SLC38A5: variants seen among roughly 807,000 people sequenced by gnomAD.
SLC38A5 encodes solute carrier family 38 member 5, also known as sodium-coupled neutral amino acid transporter 5.
SLC38A5 carries 9 observed loss-of-function variants against 34.6 expected under a neutral mutation model. The ratio of observed to expected loss-of-function variants is 0.26; its 90% CI spans 0.16 to 0.45. The LOEUF is 0.45. SLC38A5 is among the 20% of genes least tolerant of loss of function. The pLI is 1.00. For missense variants in SLC38A5, 253 were observed against 394.7 expected, an observed-to-expected ratio of 0.64 and a Z score of 3.04; for synonymous variants, 157 against 155.6, an observed-to-expected ratio of 1.01 and a Z score of -0.07.
At chrX:48,468,886 G>A (rs1262199326) in intron 2 of SLC38A5, 2 of 752,737 alleles carry the variant, frequency 2.7e-6, no homozygotes, top group Non-Finnish European at 1.6e-6. Context: ...GTGGCCTACC[G>A]AGTTTCCTGG....
At chrX:48,462,501 C>T (rs782255268) in intron 9 of SLC38A5, among the ~76,000 whole-genome samples, 11 of 111,122 alleles carry the variant, frequency 9.9e-5, no homozygotes, top group African/African-American at 3.3e-4. Flanking sequence ...CCCAGCTACT[C>T]GGGAGGCTGA....
Position 48,458,688 on chromosome X carries a change from T to TCCA in SLC38A5, c.*244_*245insTGG. 1.0e-6 allele frequency: 1 copy of TCCA among 987,101 alleles called. No homozygotes were observed. The highest frequency in any genetic ancestry group is 1.3e-6 in the Non-Finnish European group (1 of 783,905). The allele number at this position is 987,101 out of a possible 1,213,427, so 81.3% of individuals were successfully genotyped here. A position where few individuals can be genotyped will look rare whatever the true frequency, so the allele number is the denominator to read the frequency against. On this transcript the variant is annotated 3_prime_UTR_variant, in exon 17 of 17. Coordinates refer to ENST00000620913, the MANE Select transcript of SLC38A5 (RefSeq NM_033518.4). ...CTCCTCCTCCTCCTCCTCCTCCTCCTCCTCCTCTTCTTCCTCCTCCTCCTC... is the reference window on the plus strand; with the variant it reads ...CTCCTCCTCCTCCTCCTCCTCCTCCTCCACCTCCTCTTCTTCCTCCTCCTCCTC...
In SLC38A5 at chrX:48,467,722, G is replaced by A. The variant is rs149571890; in HGVS notation, c.117C>T (p.Val39=). 199 of 1,204,817 alleles carry A rather than the reference G, an allele frequency of 1.7e-4. No individual in the cohort carries two copies. The African/African-American group carries it at 2.7e-3, about 16-fold the overall frequency. The part of the protein sequence containing the change: ...SRGPAPGSKP[V]QFMDFEGKTS... ...TGGGGCCACTCACATCCATGAACTGGACCGGCTTGCTCCCAGGAGCAGGAC... is the reference window on the plus strand; with the variant it reads ...TGGGGCCACTCACATCCATGAACTGAACCGGCTTGCTCCCAGGAGCAGGAC... The change falls in exon 4 of 17, where the codon GTC becomes GTT. Residue 39 remains valine (V), a synonymous_variant. Transcript: ENST00000620913.
intron 12 of SLC38A5, 126 bp downstream of exon 12, chrX:48,461,592 C>A (rs2061434714): frequency 1.4e-6 from 1 of 729,198 alleles, no homozygotes. Flanking sequence ...ACCCCAAACC[C>A]CTCCCATGAC....
intron 4 of SLC38A5, 144 bp from the exon 5 acceptor site, chrX:48,467,221 T>C: frequency 6.2e-6 from 3 of 486,600 alleles, no homozygotes; most frequent in Non-Finnish European, 1.1e-5. Context: ...GGGAAGAGGC[T>C]AGCAGGGAAG....
intron 9 of SLC38A5, among the ~76,000 whole-genome samples, chrX:48,462,648 C>A (rs949026342): frequency 9.1e-6 from 1 of 109,799 alleles, no homozygotes; most frequent in Admixed American, 9.7e-5. Context: ...AATGGACCCC[C>A]GGAACAGTGA....
intron 4 of SLC38A5, 134 bp from the exon 5 acceptor site, chrX:48,467,211 G>A: frequency 2.0e-6 from 1 of 509,494 alleles, no homozygotes; most frequent in Non-Finnish European, 3.3e-6. Flanking sequence ...CATCGGAGGA[G>A]GGAAGAGGCT....
In SLC38A5 at chrX:48,467,003, C is replaced by A; in HGVS notation, c.204G>T (p.Gly68=). 8.3e-7 allele frequency: 1 copy of A among 1,212,005 alleles called. No individual in the cohort carries two copies. Among genetic ancestry groups the A allele is most frequent in the Non-Finnish European group, 1.1e-6 (1 of 895,505 alleles). Residue 68 remains glycine, a synonymous_variant, in exon 5 of 17, where the codon GGG becomes GGT. Transcript: ENST00000620913. ...CCGTGTGGGCCATGGCATAGGCCAG[C>A]CCCAGGATGCCGCTGCCCATGATGG... ...SNAIMGSGIL[G]LAYAMAHTGV... is the part of the protein sequence containing the mutation.
intron 2 of SLC38A5, 183 bp from the exon 3 acceptor site, chrX:48,468,108 T>C (rs1350957342): frequency 2.3e-6 from 2 of 877,583 alleles, no homozygotes; most frequent in African/African-American, 2.1e-5. Flanking sequence ...GAGAAAGAGA[T>C]GAGAGAGAGA....
chrX:48,459,976 G>T, intron 14 of SLC38A5, 100 bp from the exon 15 acceptor site: 1 of 1,048,400 alleles, frequency 9.5e-7, no homozygotes, highest in South Asian at 2.4e-5. Flanking sequence ...TGAGATCCCT[G>T]ATTTCCCCTC....
At chrX:48,460,955 T>TC (rs782189639) in intron 13 of SLC38A5, 31 bp downstream of exon 13, 2 of 418,473 alleles carry the variant, frequency 4.8e-6, no homozygotes, top group Admixed American at 3.6e-5. Flanking sequence ...GCCTTCCCCC[T>TC]CCCCCCAGCC....
At chrX:48,467,481 GGCCGAAGA>G in intron 4 of SLC38A5, 2 of 434,592 alleles carry the variant, frequency 4.6e-6, no homozygotes, top group Admixed American at 4.0e-5. Flanking sequence ...GCAGTCACTG[GGCCGAAGA>G]GCGGGTGGGG....
chrX:48,461,355 G>C (rs1259412642), intron 12 of SLC38A5, among the ~76,000 whole-genome samples: 1 of 110,582 alleles, frequency 9.0e-6, no homozygotes, highest in Non-Finnish European at 1.9e-5. Flanking sequence ...CCCTCTGTCT[G>C]ATCATCCACA....
In SLC38A5 at chrX:48,466,792, G is replaced by T; in HGVS notation, c.319+7C>A. ...GTGGGGACTGGGATCCAGGCTCTGGGTCTCACCTGCAATACCAGCACAGGT... is the reference window on the plus strand; with the variant it reads ...GTGGGGACTGGGATCCAGGCTCTGGTTCTCACCTGCAATACCAGCACAGGT... On this transcript the variant is annotated splice_region_variant and intron_variant, in intron 6 of 16. Transcript: ENST00000620913. 4.2e-6 allele frequency: 5 copies of T among 1,193,385 alleles called. No individual in the cohort carries two copies. Among genetic ancestry groups the T allele is most frequent in the Non-Finnish European group, 5.6e-6 (5 of 886,000 alleles).
chrX:48,464,341 C>G (rs2061460691), intron 8 of SLC38A5, among the ~76,000 whole-genome samples: 1 of 112,674 alleles, frequency 8.9e-6, no homozygotes, highest in Admixed American at 9.4e-5. Context: ...TTCACATGGT[C>G]TCTTTCTATC....
rs200928329 is a variant in SLC38A5 at position 48,460,996 on chromosome X, G to T, written c.942C>A (p.Leu314=). The T allele has an allele frequency of 1.7e-6, 2 of 1,195,656 alleles. No individual in the cohort carries two copies. Among genetic ancestry groups the T allele is most frequent in the South Asian group, 1.8e-5 (1 of 56,030 alleles). The change falls in exon 13 of 17, where the codon CTC becomes CTA. Residue 314 remains leucine (L), a synonymous_variant. Coordinates refer to ENST00000620913, the MANE Select transcript of SLC38A5 (RefSeq NM_033518.4). ...CCCAGCCCCACTCACTGTAGAAGGT[G>T]AGGTATCCAAAGGTTGCTGTGAGCC... ...MYGLTATFGY[L]TFYSSVKAEM... is the part of the protein sequence containing the mutation.
Position 48,467,967 on chromosome X carries a change from G to A in SLC38A5, c.-1-42C>T, listed in dbSNP as rs113935040. ...GGGGTGGGGGGATCAGAGATGGAAC[G>A]AGCATGCTTCAAAGTGAGGGGAGCT... On this transcript the variant is annotated intron_variant, in intron 2 of 16. Coordinates refer to ENST00000620913, the MANE Select transcript of SLC38A5 (RefSeq NM_033518.4). 206 of 1,162,625 alleles carry A rather than the reference G, an allele frequency of 1.8e-4. 2 individuals carry two copies. In the African/African-American group the frequency reaches 2.7e-3, roughly 15 times the overall value.
At chrX:48,459,220 T>C (rs2061418656) in intron 16 of SLC38A5, 186 bp from the exon 17 acceptor site, 1 of 480,105 alleles carries the variant, frequency 2.1e-6, no homozygotes, top group Non-Finnish European at 3.5e-6. Context: ...CCAGGACCCA[T>C]GACAGAATAC....
chrX:48,462,104 T>C lies in SLC38A5; in HGVS notation c.674A>G (p.His225Arg), dbSNP rs1327517877. 2 of 1,190,718 alleles carry C rather than the reference T, an allele frequency of 1.7e-6. No individual in the cohort carries two copies. Among genetic ancestry groups the C allele is most frequent in the African/African-American group, 3.5e-5 (2 of 57,306 alleles). ...KKFQLGCAIG[H>R]NETAMESEAL... ...TTCACTCTCCATTGCTGTTTCATTG[T>C]GGCCTATAGCACAGCCAAGTTGGAA... The change falls in exon 11 of 17, where the codon CAC becomes CGC. Residue 225 changes from histidine to arginine, a missense_variant. This residue lies in a region of SLC38A5 where 176 missense variants were observed against 273.0 expected (regional missense o/e 0.64). Transcript: ENST00000620913.
Sources: allele counts gnomAD v4.1 joint callset (sites outside exome capture counted in the v4.1 genomes callset), GRCh38; gene constraint gnomAD v4.1.1; regional missense constraint gnomAD v4.1.1; transcripts MANE v1.5; gene names NCBI Gene and HGNC (gene_info 2026-07-23, HGNC 2026-07-21).